The following HUNK variants were observed in gnomAD, a reference collection of about 807,000 sequenced individuals.
The protein encoded by HUNK is hormonally up-regulated neu tumor-associated kinase.
HUNK carries 21 observed loss-of-function variants against 61.0 expected under a neutral mutation model. The observed-to-expected ratio is 0.34, with a 90% CI of 0.24 to 0.50. HUNK has a LOEUF of 0.50. Among genes scored for constraint, HUNK ranks in the 20% least tolerant of loss-of-function variants. HUNK has a pLI of 0.98. For synonymous variants in HUNK, 371 were observed against 386.1 expected, an observed-to-expected ratio of 0.96 and a Z score of 0.46; for missense variants, 772 against 945.7, an observed-to-expected ratio of 0.82 and a Z score of 2.41.
intron 2 of HUNK, among the ~76,000 whole-genome samples, chr21:31,927,763 C>T (rs2052670901): frequency 2.6e-5 from 4 of 152,256 alleles, no homozygotes; most frequent in South Asian, 4.1e-4. Context: ...GGATTGGTGC[C>T]GTGGGATGCT....
At chr21:31,896,239 A>G (rs1372074315) in intron 1 of HUNK, among the ~76,000 whole-genome samples, 2 of 152,184 alleles carry the variant, frequency 1.3e-5, no homozygotes, top group Non-Finnish European at 1.5e-5. Context: ...GCCCGGGCCA[A>G]CTAATACACT....
intron 2 of HUNK, among the ~76,000 whole-genome samples, chr21:31,930,875 T>C (rs534206831): frequency 1.3e-5 from 2 of 152,284 alleles, no homozygotes; most frequent in South Asian, 4.1e-4. Flanking sequence ...TGAATGGGTC[T>C]TTCAGTTTTA....
intron 1 of HUNK, among the ~76,000 whole-genome samples, chr21:31,910,489 C>T (rs988696124): frequency 1.4e-5 from 2 of 139,394 alleles, no homozygotes; most frequent in African/African-American, 5.6e-5. Context: ...TTCAGGATAT[C>T]CTTTTTTTTT....
At chr21:31,882,553 A>G (rs534305654) in intron 1 of HUNK, among the ~76,000 whole-genome samples, 20 of 152,104 alleles carry the variant, frequency 1.3e-4, no homozygotes, top group Non-Finnish European at 1.8e-4. Flanking sequence ...TTGATACATA[A>G]TATTTTACAT....
At chr21:31,959,033 C>T in intron 5 of HUNK, 63 bp downstream of exon 5, 1 of 1,420,712 alleles carries the variant, frequency 7.0e-7, no homozygotes, top group Non-Finnish European at 9.3e-7. Context: ...TCGGGTCTAC[C>T]TGTGAAACAG....
chr21:31,969,877 A>G (rs1192558221), intron 6 of HUNK, among the ~76,000 whole-genome samples: 1 of 152,116 alleles, frequency 6.6e-6, no homozygotes, highest in African/African-American at 2.4e-5. Context: ...ATTTCCTTGT[A>G]TATTTTTTTC....
At chr21:31,891,375 T>TCAAA (rs1194833299) in intron 1 of HUNK, among the ~76,000 whole-genome samples, 2 of 152,216 alleles carry the variant, frequency 1.3e-5, no homozygotes, top group African/African-American at 4.8e-5. Context: ...AGACTGTGTC[T>TCAAA]CAAACAAACA....
intron 8 of HUNK, among the ~76,000 whole-genome samples, chr21:31,987,108 C>T (rs1280511301): frequency 6.6e-6 from 1 of 152,134 alleles, no homozygotes; most frequent in Non-Finnish European, 1.5e-5. Flanking sequence ...ATCAGAGTCT[C>T]AGAAAATGGA....
At chr21:31,905,657 G>A (rs2052500017) in intron 1 of HUNK, among the ~76,000 whole-genome samples, 1 of 152,198 alleles carries the variant, frequency 6.6e-6, no homozygotes, top group African/African-American at 2.4e-5. Flanking sequence ...GCCAGTGCAG[G>A]GAGGCCAGGA....
chr21:31,899,761 G>A lies in HUNK; in HGVS notation c.262-24707G>A, dbSNP rs1315595385. ...CTTTTGGGTTATTCAGCTCCTGTAA[G>A]TTACACCTCTGGCTGCTGTGTGTTT... On this transcript the variant is annotated intron_variant, in intron 1 of 10. Transcript: ENST00000270112. 2.7e-5 allele frequency among the ~76,000 whole-genome samples: 4 copies of A among 150,900 alleles called. No individual in the cohort carries two copies. The East Asian group carries it at 7.8e-4, about 29-fold the overall frequency.
chr21:31,921,971 T>C (rs1001873402), intron 1 of HUNK, among the ~76,000 whole-genome samples: 2 of 151,968 alleles, frequency 1.3e-5, no homozygotes, highest in Admixed American at 1.3e-4. Context: ...GACAGGGTTA[T>C]CAGTTTTGTG....
At chr21:31,942,809 AT>A (rs1295365479) in intron 3 of HUNK, among the ~76,000 whole-genome samples, 1 of 152,186 alleles carries the variant, frequency 6.6e-6, no homozygotes, top group Non-Finnish European at 1.5e-5. Flanking sequence ...AAAGATGCCA[AT>A]TTGGTTGCCA....
rs1413930909 is a variant in HUNK at position 32,002,809 on chromosome 21, G to C, written c.*3625G>C. 2 of 152,208 alleles carry C rather than the reference G, an allele frequency of 1.3e-5. No homozygotes were observed. The highest frequency in any genetic ancestry group is 4.8e-5 in the African/African-American group (2 of 41,446). 9.4% of individuals were successfully genotyped at this position (152,208 alleles called of 1,614,324 possible). A position where few individuals can be genotyped will look rare whatever the true frequency, so the allele number is the denominator to read the frequency against. On this transcript the variant is annotated 3_prime_UTR_variant, in exon 11 of 11. Coordinates refer to ENST00000270112, the MANE Select transcript of HUNK (RefSeq NM_014586.2). Reference sequence around the variant, plus strand: ...ACCTTGTTTCCCCTGGGAAGTGAGGGGACGAAGCCTTAGAGGGTGACATAG... The same window carrying C: ...ACCTTGTTTCCCCTGGGAAGTGAGGCGACGAAGCCTTAGAGGGTGACATAG...
chr21:31,995,893 C>T lies in HUNK; in HGVS notation c.1431C>T (p.Asn477=). The change falls in exon 10 of 11, where the codon AAC becomes AAT. Residue 477 remains asparagine (N), a synonymous_variant. Coordinates refer to ENST00000270112, the MANE Select transcript of HUNK (RefSeq NM_014586.2). ...GCTCGCTTATGACACAGATTCAGAA[C>T]ACCAAAGCCCTCCTGAAGGACCGGA... ...PSGSLMTQIQ[N]TKALLKDRKA... is the part of the protein sequence containing the mutation. 1 of 1,614,134 alleles carries T rather than the reference C, an allele frequency of 6.2e-7. No homozygotes were observed. Among genetic ancestry groups the T allele is most frequent in the Non-Finnish European group, 8.5e-7 (1 of 1,179,974 alleles).
At chr21:31,947,205 C>G (rs1181515591) in intron 4 of HUNK, among the ~76,000 whole-genome samples, 1 of 151,744 alleles carries the variant, frequency 6.6e-6, no homozygotes. Flanking sequence ...ATTCCCACAT[C>G]CCAGTCTCAA....
chr21:31,997,938 G>T (rs9974503), intron 10 of HUNK, among the ~76,000 whole-genome samples: 27,458 of 151,126 alleles, frequency 0.18, 2,891 homozygotes, highest in South Asian at 0.32. Flanking sequence ...CTTTTTTTGA[G>T]ACAGAGTCTC....
chr21:31,903,496 C>T (rs1280546371), intron 1 of HUNK, among the ~76,000 whole-genome samples: 1 of 151,772 alleles, frequency 6.6e-6, no homozygotes, highest in East Asian at 1.9e-4. Context: ...TTCTTGGCCA[C>T]ACAGATTAAT....
chr21:31,975,306 C>A (rs974783722), intron 7 of HUNK, among the ~76,000 whole-genome samples: 1 of 152,174 alleles, frequency 6.6e-6, no homozygotes, highest in Admixed American at 6.5e-5. Flanking sequence ...GACCCTGACA[C>A]CCTGTCCCCT....
intron 5 of HUNK, among the ~76,000 whole-genome samples, chr21:31,961,984 G>T (rs139277242): frequency 1.4e-3 from 208 of 152,362 alleles, no homozygotes; most frequent in African/African-American, 4.7e-3. Flanking sequence ...CTACATCTCA[G>T]TTGAGAGCTG....
Sources: allele counts gnomAD v4.1 joint callset (sites outside exome capture counted in the v4.1 genomes callset), GRCh38; gene constraint gnomAD v4.1.1; transcripts MANE v1.5; gene names NCBI Gene and HGNC (gene_info 2026-07-23, HGNC 2026-07-21).